The following PIK3C2G variants were observed in gnomAD, a reference collection of about 807,000 sequenced individuals.
The protein encoded by PIK3C2G is phosphatidylinositol-4-phosphate 3-kinase catalytic subunit type 2 gamma.
A neutral mutation model predicts 181.1 loss-of-function variants in PIK3C2G; 168 were observed. The ratio of observed to expected loss-of-function variants is 0.93; its 90% confidence interval spans 0.82 to 1.05. PIK3C2G has a LOEUF of 1.05. Ranked by LOEUF, PIK3C2G falls within the 50% of genes least tolerant of loss-of-function variation. PIK3C2G has a pLI of 0.00. For missense variants in PIK3C2G, 1,869 were observed against 1,732.8 expected (o/e 1.08, Z -1.40); for synonymous variants, 573 against 592.2 (o/e 0.97, Z 0.47).
At chr12:18,436,688 CA>C (rs1038036892) in intron 18 of PIK3C2G, among the ~76,000 whole-genome samples, 1 of 151,946 alleles carries the variant, frequency 6.6e-6, no homozygotes, top group African/African-American at 2.4e-5. Context: ...AGCAGGTAAT[CA>C]GAACAAGTCA....
At chr12:18,569,640 A>T (rs1200667844) in intron 29 of PIK3C2G, among the ~76,000 whole-genome samples, 1 of 152,188 alleles carries the variant, frequency 6.6e-6, no homozygotes, top group African/African-American at 2.4e-5. Context: ...TATACCCAGG[A>T]ATAGAATTTC....
intron 31 of PIK3C2G, among the ~76,000 whole-genome samples, chr12:18,613,542 G>A (rs1363880219): frequency 2.0e-5 from 3 of 152,000 alleles, no homozygotes; most frequent in African/African-American, 4.8e-5. Context: ...GTGTCTGAGT[G>A]TAGCCTGGGG....
chr12:18,688,468 A>G, the PIK3C2G span, among the ~76,000 whole-genome samples: 1 of 152,014 alleles, frequency 6.6e-6, no homozygotes, highest in Non-Finnish European at 1.5e-5. Context: ...ATTTATTAAC[A>G]TATTTTTGTT....
intron 18 of PIK3C2G, among the ~76,000 whole-genome samples, chr12:18,476,138 C>A (rs2135997817): frequency 6.6e-6 from 1 of 152,222 alleles, no homozygotes; most frequent in East Asian, 1.9e-4. Context: ...TTCATCCTTA[C>A]ACGGGTGGAT....
intron 29 of PIK3C2G, among the ~76,000 whole-genome samples, chr12:18,575,915 G>C (rs1424582667): frequency 6.6e-6 from 1 of 152,096 alleles, no homozygotes; most frequent in Non-Finnish European, 1.5e-5. Flanking sequence ...GCACATACTA[G>C]CCTATAAAAC....
the PIK3C2G span, among the ~76,000 whole-genome samples, chr12:18,699,198 C>G: frequency 6.6e-6 from 1 of 152,172 alleles, no homozygotes; most frequent in African/African-American, 2.4e-5. Flanking sequence ...TCTGGTAGTC[C>G]AGCCTGGGCG....
chr12:18,585,423 C>A (rs1269814728), intron 29 of PIK3C2G, among the ~76,000 whole-genome samples: 2 of 149,166 alleles, frequency 1.3e-5, no homozygotes, highest in Non-Finnish European at 3.0e-5. Flanking sequence ...ATTAAACCAA[C>A]AAAGATAAGA....
chr12:18,647,864 C>T lies in PIK3C2G; in HGVS notation c.4309-12C>T. 1 of 1,441,090 alleles carries T rather than the reference C, an allele frequency of 6.9e-7. No homozygotes were observed. 89.3% of individuals were successfully genotyped at this position (1,441,090 alleles called of 1,614,324 possible). A position where few individuals can be genotyped will look rare whatever the true frequency, so the allele number is the denominator to read the frequency against. ...TTCTGATTTATATTTTCATTATTTTCTCCGTTTTTAGGTAGTATATGATGA... is the reference window on the plus strand; with the variant it reads ...TTCTGATTTATATTTTCATTATTTTTTCCGTTTTTAGGTAGTATATGATGA... On this transcript the variant is annotated splice_polypyrimidine_tract_variant and intron_variant, in intron 32 of 32. Coordinates refer to ENST00000538779, the MANE Select transcript of PIK3C2G (RefSeq NM_001288772.2).
intron 16 of PIK3C2G, among the ~76,000 whole-genome samples, chr12:18,403,070 A>G (rs1286910226): frequency 6.6e-6 from 1 of 152,188 alleles, no homozygotes; most frequent in Non-Finnish European, 1.5e-5. Flanking sequence ...CTGCATAAAC[A>G]TGCTAGGCTA....
chr12:18,630,945 G>A (rs2136724123), intron 31 of PIK3C2G, among the ~76,000 whole-genome samples: 1 of 152,116 alleles, frequency 6.6e-6, no homozygotes, highest in East Asian at 1.9e-4. Context: ...TTCTTCAGGG[G>A]AGTGTTAAGT....
At chr12:18,518,515 T>C (rs979631501) in intron 24 of PIK3C2G, among the ~76,000 whole-genome samples, 1 of 152,220 alleles carries the variant, frequency 6.6e-6, no homozygotes, top group African/African-American at 2.4e-5. Flanking sequence ...TTCTAGTTTA[T>C]TTGCGTAGAG....
chr12:18,474,662 A>C (rs1334073685), intron 18 of PIK3C2G, among the ~76,000 whole-genome samples: 1 of 152,174 alleles, frequency 6.6e-6, no homozygotes, highest in African/African-American at 2.4e-5. Context: ...AAAGCATACA[A>C]ATAAGAAGAT....
chr12:18,523,758 C>T (rs1028189088), intron 24 of PIK3C2G, among the ~76,000 whole-genome samples: 1 of 152,172 alleles, frequency 6.6e-6, no homozygotes, highest in Non-Finnish European at 1.5e-5. Context: ...CAGTTCCTCC[C>T]CAGTATGGGG....
chr12:18,427,587 A>G (rs1372236915), intron 18 of PIK3C2G, among the ~76,000 whole-genome samples: 4 of 151,962 alleles, frequency 2.6e-5, no homozygotes, highest in South Asian at 2.1e-4. Flanking sequence ...ACGATTGTTA[A>G]AATACTTGGA....
At chr12:18,362,968 T>C in intron 12 of PIK3C2G, 82 bp downstream of exon 12, 8 of 1,125,236 alleles carry the variant, frequency 7.1e-6, no homozygotes, top group Non-Finnish European at 9.6e-6. Context: ...GCAAGGGATG[T>C]AATTTAAAAA....
At chr12:18,303,134 C>CTTTT (rs755064286) in intron 5 of PIK3C2G, among the ~76,000 whole-genome samples, 13 of 142,786 alleles carry the variant, frequency 9.1e-5, no homozygotes, top group African/African-American at 2.8e-4. Flanking sequence ...TTCTTTCTTT[C>CTTTT]TTTCTTTTCT....
chr12:18,286,995 T>C lies in PIK3C2G; in HGVS notation c.761+66T>C, dbSNP rs560519416. On this transcript the variant is annotated intron_variant, in intron 3 of 32. Coordinates refer to ENST00000538779, the MANE Select transcript of PIK3C2G (RefSeq NM_001288772.2). ...CTGAATAAATTTGTGTATTTTGACA[T>C]CACTGAACTGATTAATTTTGCATAT... The C allele has an allele frequency of 4.9e-5, 32 of 648,998 alleles. No individual in the cohort carries two copies. In the South Asian group the frequency reaches 5.1e-4, roughly 10 times the overall value. 40.2% of individuals were successfully genotyped at this position (648,998 alleles called of 1,614,324 possible).
At chr12:18,292,227 A>AAAAAAAAAAAAAATAT in intron 4 of PIK3C2G, among the ~76,000 whole-genome samples, 11 of 48,728 alleles carry the variant, frequency 2.3e-4, no homozygotes, top group East Asian at 6.8e-4. Flanking sequence ...AAAAAAAAAA[A>AAAAAAAAAAAAAATAT]ATATATATAT....
chr12:18,631,745 G>C (rs993938701), intron 31 of PIK3C2G, among the ~76,000 whole-genome samples: 2 of 152,116 alleles, frequency 1.3e-5, no homozygotes, highest in East Asian at 3.9e-4. Flanking sequence ...CAAGGATGAG[G>C]GGGGCACCAG....
Sources: allele counts gnomAD v4.1 joint callset (sites outside exome capture counted in the v4.1 genomes callset), GRCh38; gene constraint gnomAD v4.1.1; transcripts MANE v1.5; gene names NCBI Gene and HGNC (gene_info 2026-07-23, HGNC 2026-07-21).